The following DDX27 variants were observed in gnomAD, a reference collection of about 807,000 sequenced individuals.
DDX27 encodes the protein probable ATP-dependent RNA helicase DDX27.
In DDX27, 42 loss-of-function variants were observed where a neutral mutation model predicts 99.3. That is an observed-to-expected ratio of 0.42 (90% CI 0.33 to 0.55). DDX27 has a LOEUF of 0.55. Ranked by LOEUF, DDX27 falls within the 20% of genes least tolerant of loss-of-function variation. The pLI is 0.07. For synonymous variants in DDX27, 329 were observed against 353.8 expected (o/e 0.93, Z 0.79); for missense variants, 798 against 976.8 (o/e 0.82, Z 2.44).
At chr20:49,219,658 A>C in intron 1 of DDX27, 117 bp downstream of exon 1, 4 of 1,130,708 alleles carry the variant, frequency 3.5e-6, no homozygotes, top group African/African-American at 1.6e-5. Flanking sequence ...TTTCCCGAAA[A>C]GGATCTCACC....
Position 49,243,938 on chromosome 20 carries a change from CA to C in DDX27, c.*109del, listed in dbSNP as rs1289004292. 3 of 1,366,164 alleles carry C rather than the reference CA, an allele frequency of 2.2e-6. No homozygotes were observed. The African/African-American group carries it at 4.4e-5, about 20-fold the overall frequency. The allele number at this position is 1,366,164 out of a possible 1,614,324, so 84.6% of individuals were successfully genotyped here. A position where few individuals can be genotyped will look rare whatever the true frequency, so the allele number is the denominator to read the frequency against. ...TTTCTCCATTTGTTTAAAAAAAAAA[CA>C]AAAACAAAAAACAACACTTTGGTGT... On this transcript the variant is annotated 3_prime_UTR_variant, in exon 21 of 21. Transcript: ENST00000618172.
chr20:49,241,918 C>T lies in DDX27; in HGVS notation c.1923C>T (p.Asp641=). The T allele has an allele frequency of 2.5e-6, 4 of 1,614,174 alleles. No individual in the cohort carries two copies. The highest frequency in any genetic ancestry group is 1.1e-5 in the South Asian group (1 of 91,080). ...TTGCCAAAGCTCTGCAGGAATTTGA[C>T]TTGGCCTTAAGAGGAAAGAAGAAAA... is the stretch of plus-strand genomic sequence containing the variant. ...EKIAKALQEF[D]LALRGKKKRK... Residue 641 remains aspartate (D), a synonymous_variant, in exon 17 of 21, where the codon GAC becomes GAT. Coordinates refer to ENST00000618172, the MANE Select transcript of DDX27 (RefSeq NM_017895.8).
In DDX27 at chr20:49,241,971, AAAAGG is replaced by A; in HGVS notation, c.1977_1981del (p.Lys660GlyfsTer11). ...AAGAAGTTTATGAAGGATGCCAAAA[AAAAGG>A]GGGAGATGACAGTGAGTGGCCTCCC... is the stretch of plus-strand genomic sequence containing the variant. On this transcript the variant is annotated frameshift_variant, in exon 17 of 21. Transcript: ENST00000618172. LOFTEE classifies it high-confidence loss of function. The A allele has an allele frequency of 6.2e-7, 1 of 1,613,546 alleles. No homozygotes were observed. Among genetic ancestry groups the A allele is most frequent in the Non-Finnish European group, 8.5e-7 (1 of 1,179,902 alleles).
intron 6 of DDX27, among the ~76,000 whole-genome samples, chr20:49,225,492 G>A (rs1434518417): frequency 8.5e-6 from 1 of 117,022 alleles, no homozygotes; most frequent in Non-Finnish European, 1.6e-5. Context: ...GTCTCACTCT[G>A]TCGCCCAGGC....
intron 14 of DDX27, chr20:49,238,127 T>A (rs962266076): frequency 6.6e-6 from 1 of 152,254 alleles, no homozygotes; most frequent in Non-Finnish European, 1.5e-5. Context: ...CAAGTGATCC[T>A]CCTGCCTCAG....
intron 16 of DDX27, among the ~76,000 whole-genome samples, chr20:49,239,851 TG>T (rs761710214): frequency 2.6e-4 from 39 of 152,292 alleles, no homozygotes; most frequent in Admixed American, 4.6e-4. Flanking sequence ...AAACAAAATT[TG>T]GGGTGTGTGT....
chr20:49,230,083 T>TA (rs1173334532), intron 8 of DDX27, 116 bp from the exon 9 acceptor site: 1 of 1,190,188 alleles, frequency 8.4e-7, no homozygotes. Flanking sequence ...TTGTCAGTCT[T>TA]ACTCTCTCAG....
At position 49,230,187 on chromosome 20, in the gene DDX27, T is replaced by C. The variant is rs777691711; in HGVS notation, c.881-12T>C. Reference sequence around the variant, plus strand: ...GACCTGGCCGCCTGGTGGGGCTCTCTTCTCTTTGCAGGCGGCTTGGATGTG... The same window carrying C: ...GACCTGGCCGCCTGGTGGGGCTCTCCTCTCTTTGCAGGCGGCTTGGATGTG... On this transcript the variant is annotated splice_polypyrimidine_tract_variant and intron_variant, in intron 8 of 20. Coordinates refer to ENST00000618172, the MANE Select transcript of DDX27 (RefSeq NM_017895.8). 54 of 1,607,346 alleles carry C rather than the reference T, an allele frequency of 3.4e-5. No individual in the cohort carries two copies. The East Asian group carries it at 5.4e-4, about 16-fold the overall frequency.
At chr20:49,225,524 C>T (rs1191832971) in intron 6 of DDX27, among the ~76,000 whole-genome samples, 1 of 141,496 alleles carries the variant, frequency 7.1e-6, no homozygotes, top group Non-Finnish European at 1.5e-5. Flanking sequence ...GGCACAATCT[C>T]GGCTCACTGC....
chr20:49,235,415 G>T, intron 12 of DDX27: 1 of 231,908 alleles, frequency 4.3e-6, no homozygotes, highest in Non-Finnish European at 8.3e-6. Context: ...AACATTCCTG[G>T]GTCTGATTGA....
rs554434586 is a variant in DDX27, at chr20:49,233,694, G to A, written c.1258G>A (p.Glu420Lys). 18 of 1,613,630 alleles carry A rather than the reference G, an allele frequency of 1.1e-5. No homozygotes were observed. The African/African-American group carries it at 1.5e-4, about 13-fold the overall frequency. The change falls in exon 11 of 21, where the codon GAA becomes AAA. Residue 420 changes from glutamate to lysine, a missense_variant. By Grantham distance (56) the Glu-to-Lys change is moderately conservative (BLOSUM62 1). Around this residue, in one of 2 missense-constraint regions of DDX27, gnomAD observed 553 missense variants for 727.9 expected, o/e 0.76. Transcript: ENST00000618172. Reference protein sequence around the residue: ...RIRPNREGDREAIVAALLTRT... With the variant: ...RIRPNREGDRKAIVAALLTRT... ...CCGGCCTAATCGTGAAGGAGACCGG[G>A]AAGCCATCGTGGCAGGTGGCAGCAC...
chr20:49,241,748 C>A, intron 16 of DDX27, 145 bp from the exon 17 acceptor site: 1 of 837,676 alleles, frequency 1.2e-6, no homozygotes, highest in Non-Finnish European at 1.9e-6. Context: ...AGACTACAGG[C>A]ACGAGCTACT....
Position 49,223,383 on chromosome 20 carries a change from C to T in DDX27, c.416C>T (p.Ala139Val). ...ENDEEGSEDE[A>V]SETDYSSADE... ...GATGAGGAAGGCTCAGAAGATGAAG[C>T]CTCGGAGACTGACTACTCATCAGCT... is the stretch of plus-strand genomic sequence containing the variant. The change falls in exon 4 of 21, where the codon GCC becomes GTC. Residue 139 changes from alanine to valine, a missense_variant. By Grantham distance (64) the Ala-to-Val change is moderately conservative. This residue lies in a region of DDX27 where 245 missense variants were observed against 248.8 expected (regional missense o/e 0.98). Transcript: ENST00000618172. 6.2e-7 allele frequency: 1 copy of T among 1,613,908 alleles called. No homozygotes were observed. Among genetic ancestry groups the T allele is most frequent in the Non-Finnish European group, 8.5e-7 (1 of 1,179,954 alleles).
At chr20:49,235,266 T>C in intron 12 of DDX27, 178 bp downstream of exon 12, 1 of 597,336 alleles carries the variant, frequency 1.7e-6, no homozygotes, top group Non-Finnish European at 2.6e-6. Context: ...TGTTTAGAAC[T>C]CTAACTTCAT....
At chr20:49,225,696 C>G (rs889175370) in intron 6 of DDX27, among the ~76,000 whole-genome samples, 3 of 152,022 alleles carry the variant, frequency 2.0e-5, no homozygotes, top group Admixed American at 6.6e-5. Context: ...ACCTCGTGAT[C>G]CGCCCGCCTC....
In DDX27 at chr20:49,242,078, C is replaced by T. The variant is rs776314534; in HGVS notation, c.1993-5C>T. 3.1e-6 allele frequency: 5 copies of T among 1,614,082 alleles called. 1 individual carries two copies. Among genetic ancestry groups the T allele is most frequent in the Non-Finnish European group, 4.2e-6 (5 of 1,180,050 alleles). ...TCCACACTCACACCTCCCCACTCCC[C>T]CTAGGCAGAGGAAAGGTCTCAGTTT... On this transcript the variant is annotated splice_polypyrimidine_tract_variant and splice_region_variant and intron_variant, in intron 17 of 20. Transcript: ENST00000618172.
In DDX27 at chr20:49,226,553, C is replaced by T. The variant is rs746446139; in HGVS notation, c.706+18C>T. On this transcript the variant is annotated intron_variant, in intron 7 of 20. Transcript: ENST00000618172. Reference sequence around the variant, plus strand: ...TGGGACAGGTGAAAAGGATAGGGACCCAGGGTGGGCAGAAGGGTGTTACGG... The same window carrying T: ...TGGGACAGGTGAAAAGGATAGGGACTCAGGGTGGGCAGAAGGGTGTTACGG... 1.2e-6 allele frequency: 2 copies of T among 1,601,644 alleles called. No homozygotes were observed. Among genetic ancestry groups the T allele is most frequent in the South Asian group, 1.1e-5 (1 of 90,370 alleles).
At chr20:49,223,893 A>C (rs1016782440) in intron 4 of DDX27, among the ~76,000 whole-genome samples, 3 of 152,064 alleles carry the variant, frequency 2.0e-5, no homozygotes, top group Non-Finnish European at 4.4e-5. Flanking sequence ...AAAACAAAAC[A>C]AAAGAGATGT....
At chr20:49,224,156 C>T (rs748820055) in intron 4 of DDX27, among the ~76,000 whole-genome samples, 4 of 151,972 alleles carry the variant, frequency 2.6e-5, no homozygotes, top group South Asian at 2.1e-4. Flanking sequence ...GCATTACAGG[C>T]GTGAGCCACT....
Sources: allele counts gnomAD v4.1 joint callset (sites outside exome capture counted in the v4.1 genomes callset), GRCh38; gene constraint gnomAD v4.1.1; regional missense constraint gnomAD v4.1.1; transcripts MANE v1.5; gene names NCBI Gene and HGNC (gene_info 2026-07-23, HGNC 2026-07-21).